The following ZNF536 variants were observed in gnomAD, a reference collection of about 807,000 sequenced individuals.
ZNF536 encodes zinc finger protein 536.
ZNF536 carries 13 observed loss-of-function variants against 84.5 expected under a neutral mutation model. The ratio of observed to expected loss-of-function variants is 0.15; its 90% CI spans 0.10 to 0.24. ZNF536 has a LOEUF of 0.24. Ranked by LOEUF, ZNF536 falls within the 10% of genes least tolerant of loss-of-function variation. The pLI is 1.00. For missense variants in ZNF536, 1,536 were observed against 1,747.5 expected (o/e 0.88, Z 2.16); for synonymous variants, 811 against 742.5 (o/e 1.09, Z -1.50).
chr19:30,336,953 T>A (rs2047402073), intron 2 of ZNF536, among the ~76,000 whole-genome samples: 1 of 152,114 alleles, frequency 6.6e-6, no homozygotes, highest in African/African-American at 2.4e-5. Context: ...CACTGGCAAT[T>A]TTTGTATCAT....
chr19:30,325,688 C>A (rs937320563), intron 2 of ZNF536, among the ~76,000 whole-genome samples: 3 of 152,200 alleles, frequency 2.0e-5, no homozygotes, highest in Non-Finnish European at 4.4e-5. Flanking sequence ...CCAAGTCTGG[C>A]ATTGCGCATG....
At chr19:30,235,697 C>A (rs778376879) in intron 1 of ZNF536, among the ~76,000 whole-genome samples, 1 of 152,168 alleles carries the variant, frequency 6.6e-6, no homozygotes, top group Non-Finnish European at 1.5e-5. Context: ...TTTTAATTCC[C>A]GATTAAAATC....
intron 1 of ZNF536, among the ~76,000 whole-genome samples, chr19:30,705,364 A>ATT (rs2052182219): frequency 6.6e-6 from 1 of 151,998 alleles, no homozygotes; most frequent in African/African-American, 2.4e-5. Flanking sequence ...GATATAGAAT[A>ATT]AAACGCATTG....
At chr19:30,375,661 C>A (rs1459113934) in intron 1 of ZNF536, among the ~76,000 whole-genome samples, 2 of 152,198 alleles carry the variant, frequency 1.3e-5, no homozygotes, top group Admixed American at 6.5e-5. Flanking sequence ...GTGTACATGG[C>A]GTGTGCCTGG....
chr19:30,562,234 C>A (rs1379363199), downstream of ZNF536, among the ~76,000 whole-genome samples: 1 of 152,144 alleles, frequency 6.6e-6, no homozygotes, highest in Admixed American at 6.5e-5. Context: ...TTTCAGATGA[C>A]TCCTCCGGAC....
rs115650222 is a variant in ZNF536, at chr19:30,350,736, A to T, written c.-119-1632A>T. On this transcript the variant is annotated intron_variant, in intron 2 of 5. Coordinates refer to the ZNF536 transcript ENST00000585628. Reference sequence around the variant, plus strand: ...TAAGTGTTAATTTTTATGCTAATCCACAGTGGCTTCATATGAAGCAATTTT... The same window carrying T: ...TAAGTGTTAATTTTTATGCTAATCCTCAGTGGCTTCATATGAAGCAATTTT... 7.0e-3 allele frequency among the ~76,000 whole-genome samples: 1,063 copies of T among 152,344 alleles called. 14 individuals carry two copies. The highest frequency in any genetic ancestry group is 0.023 in the African/African-American group (977 of 41,582).
chr19:30,575,853 A>G (rs1479207416), intron 1 of ZNF536, among the ~76,000 whole-genome samples: 2 of 152,162 alleles, frequency 1.3e-5, no homozygotes, highest in Non-Finnish European at 2.9e-5. Flanking sequence ...GGACAGCAGC[A>G]TGTACAGTTC....
chr19:30,315,891 C>G (rs1392430223), intron 2 of ZNF536, among the ~76,000 whole-genome samples: 1 of 152,016 alleles, frequency 6.6e-6, no homozygotes, highest in Non-Finnish European at 1.5e-5. Flanking sequence ...TACATATTGT[C>G]CTGAGACTTA....
intron 1 of ZNF536, among the ~76,000 whole-genome samples, chr19:30,282,305 G>A (rs1279079390): frequency 3.9e-5 from 6 of 152,234 alleles, no homozygotes; most frequent in Admixed American, 3.9e-4. Flanking sequence ...CCACTAATCT[G>A]TTGGAAGAGC....
intron 1 of ZNF536, among the ~76,000 whole-genome samples, chr19:30,283,332 C>A (rs888476554): frequency 1.3e-5 from 2 of 152,170 alleles, no homozygotes; most frequent in Non-Finnish European, 2.9e-5. Context: ...TTGATTACCC[C>A]CTAGCCAGCA....
chr19:30,516,617 C>G (rs570724235), intron 2 of ZNF536, among the ~76,000 whole-genome samples: 104 of 152,278 alleles, frequency 6.8e-4, no homozygotes, highest in African/African-American at 2.4e-3. Flanking sequence ...CTCTGTGGGC[C>G]AGCCCTTCGC....
chr19:30,518,099 C>G (rs1399544468), intron 2 of ZNF536, among the ~76,000 whole-genome samples: 1 of 152,146 alleles, frequency 6.6e-6, no homozygotes. Flanking sequence ...ACCAGATCAG[C>G]CTCTCTGTGG....
chr19:30,681,336 A>G (rs547030998), intron 1 of ZNF536, among the ~76,000 whole-genome samples: 1 of 152,200 alleles, frequency 6.6e-6, no homozygotes, highest in Admixed American at 6.5e-5. Context: ...GCTAAGTTTG[A>G]GTCAACAGGC....
In ZNF536 at chr19:30,444,045, G is replaced by A. The variant is rs368903327; in HGVS notation, c.483G>A (p.Pro161=). The A allele has an allele frequency of 1.9e-6, 3 of 1,613,462 alleles. No homozygotes were observed. Among genetic ancestry groups the A allele is most frequent in the Admixed American group, 1.7e-5 (1 of 60,016 alleles). The change falls in exon 2 of 5, where the codon CCG becomes CCA. Residue 161 remains proline (P), a synonymous_variant. Transcript: ENST00000355537. ...CGGGCGAGAAGCCCTTCAAGTGCCC[G>A]TACTGCGACCACAGGGCGGCGCAGA... The part of the protein sequence containing the change: ...THTGEKPFKC[P]YCDHRAAQKG...
At chr19:30,575,257 C>T (rs1035265838) in intron 1 of ZNF536, among the ~76,000 whole-genome samples, 7 of 152,222 alleles carry the variant, frequency 4.6e-5, no homozygotes, top group African/African-American at 9.7e-5. Flanking sequence ...ACCTGTGAAC[C>T]TGTTTCTCCT....
At chr19:30,498,631 A>G (rs752047853) in intron 2 of ZNF536, among the ~76,000 whole-genome samples, 1 of 152,206 alleles carries the variant, frequency 6.6e-6, no homozygotes, top group Non-Finnish European at 1.5e-5. Context: ...AATAAAAGTC[A>G]TAGAAACGTC....
At chr19:30,446,398 G>A (rs146328473) in intron 2 of ZNF536, among the ~76,000 whole-genome samples, 13 of 151,752 alleles carry the variant, frequency 8.6e-5, no homozygotes, top group African/African-American at 2.9e-4. Flanking sequence ...TGACGCTGTC[G>A]GCCATCATCT....
intron 1 of ZNF536, among the ~76,000 whole-genome samples, chr19:30,648,753 C>T (rs971288408): frequency 9.9e-5 from 15 of 152,236 alleles, no homozygotes; most frequent in African/African-American, 3.6e-4. Context: ...AGACACACTC[C>T]AGTCAGTTTT....
chr19:30,678,183 G>T (rs148182308), intron 1 of ZNF536, among the ~76,000 whole-genome samples: 1 of 152,220 alleles, frequency 6.6e-6, no homozygotes, highest in Non-Finnish European at 1.5e-5. Flanking sequence ...TTCAGGGACC[G>T]GAGAAGCCTC....
Sources: allele counts gnomAD v4.1 joint callset (sites outside exome capture counted in the v4.1 genomes callset), GRCh38; gene constraint gnomAD v4.1.1; transcripts MANE v1.5; gene names NCBI Gene and HGNC (gene_info 2026-07-23, HGNC 2026-07-21).